LUZP2: variants seen among roughly 807,000 people sequenced by gnomAD.
LUZP2 encodes the protein leucine zipper protein 2.
LUZP2 carries 52 observed loss-of-function variants against 51.6 expected under a neutral mutation model. That is an observed-to-expected ratio of 1.01 (90% CI 0.81 to 1.27). LUZP2 has a LOEUF of 1.27. LUZP2 is among the 50% of genes most tolerant of loss of function. The probability of loss-of-function intolerance (pLI) is 0.00; values close to 1 mark genes in which losing one functional copy is unlikely to be tolerated. For synonymous variants in LUZP2, 154 were observed against 137.3 expected, an observed-to-expected ratio of 1.12 and a Z score of -0.85; for missense variants, 436 against 395.4, an observed-to-expected ratio of 1.10 and a Z score of -0.87.
chr11:24,848,439 CATT>C (rs1452827622), intron 5 of LUZP2, among the ~76,000 whole-genome samples: 4 of 152,190 alleles, frequency 2.6e-5, no homozygotes, highest in African/African-American at 9.6e-5. Flanking sequence ...GCTCTTGTCT[CATT>C]ATCTTCAGCT....
chr11:24,954,468 CT>C (rs1855161669), intron 7 of LUZP2, among the ~76,000 whole-genome samples: 1 of 152,022 alleles, frequency 6.6e-6, no homozygotes, highest in Admixed American at 6.6e-5. Context: ...TCTGGCACCC[CT>C]GGTCTGATGT....
chr11:24,981,553 G>A (rs1156808813), intron 8 of LUZP2, among the ~76,000 whole-genome samples: 1 of 151,746 alleles, frequency 6.6e-6, no homozygotes, highest in African/African-American at 2.4e-5. Flanking sequence ...CCTAACCTGG[G>A]AATGCAGCCC....
rs1850027896 is a variant in LUZP2, at chr11:24,502,534, C to A, written c.62+5229C>A. Reference sequence around the variant, plus strand: ...GAGTACCTGAGATTACAGGCGCCTGCCACCATGCCCGGCTGATTTTTTCGT... The same window carrying A: ...GAGTACCTGAGATTACAGGCGCCTGACACCATGCCCGGCTGATTTTTTCGT... On this transcript the variant is annotated intron_variant, in intron 1 of 11. Transcript: ENST00000336930. Among the ~76,000 whole-genome samples the A allele has an allele frequency of 4.0e-5, 6 of 151,018 alleles. No homozygotes were observed. In the South Asian group the frequency reaches 1.2e-3, roughly 31 times the overall value.
Position 24,741,957 on chromosome 11 carries a change from T to A in LUZP2, c.333+3655T>A, listed in dbSNP as rs58792905. Among the ~76,000 whole-genome samples, 678 of 105,412 alleles carry A rather than the reference T, an allele frequency of 6.4e-3. 14 individuals carry two copies. The highest frequency in any genetic ancestry group is 0.018 in the African/African-American group (597 of 32,526). The allele number at this position is 105,412 out of a possible 152,430, so 69.2% of individuals were successfully genotyped here. The stretch of plus-strand genomic sequence containing the variant: ...TATATAAATATATACATTTATATAT[T>A]ATATATAAATATATACATTTATATA... On this transcript the variant is annotated intron_variant, in intron 4 of 11. Coordinates refer to ENST00000336930, the MANE Select transcript of LUZP2 (RefSeq NM_001009909.4).
At chr11:24,799,616 CCAGG>C (rs1849640077) in intron 5 of LUZP2, among the ~76,000 whole-genome samples, 1 of 150,402 alleles carries the variant, frequency 6.6e-6, no homozygotes, top group African/African-American at 2.4e-5. Context: ...AAAATGCAAA[CCAGG>C]ACCAGCAAAA....
intron 1 of LUZP2, among the ~76,000 whole-genome samples, chr11:24,657,124 A>T (rs1040279125): frequency 6.6e-6 from 1 of 152,170 alleles, no homozygotes; most frequent in Admixed American, 6.5e-5. Context: ...AGAGAAAAAA[A>T]CAAGAATAAA....
chr11:24,721,588 C>T lies in LUZP2; in HGVS notation c.63-7581C>T, dbSNP rs144634153. 6.3e-3 allele frequency among the ~76,000 whole-genome samples: 956 copies of T among 152,072 alleles called. 16 individuals carry two copies. Among genetic ancestry groups the T allele is most frequent in the African/African-American group, 0.022 (927 of 41,498 alleles). On this transcript the variant is annotated intron_variant, in intron 1 of 11. Coordinates refer to ENST00000336930, the MANE Select transcript of LUZP2 (RefSeq NM_001009909.4). ...AAATTCAAAAGATTCTAAATGTAAG[C>T]GATGCACAAATGTAAGTTATTCACA...
rs1175788524 is a variant in LUZP2 at position 24,966,656 on chromosome 11, CAT to C, written c.523-9932_523-9931del. Among the ~76,000 whole-genome samples, 12 of 147,608 alleles carry C rather than the reference CAT, an allele frequency of 8.1e-5. No homozygotes were observed. The South Asian group carries it at 1.7e-3, about 21-fold the overall frequency. ...GATATATTATATATAAGATATATAA[CAT>C]ATTTTATACATTGTGAAATATATAT... On this transcript the variant is annotated intron_variant, in intron 7 of 11. Coordinates refer to ENST00000336930, the MANE Select transcript of LUZP2 (RefSeq NM_001009909.4).
At position 24,519,779 on chromosome 11, in the gene LUZP2, T is replaced by C. The variant is rs139956980; in HGVS notation, c.62+22474T>C. Among the ~76,000 whole-genome samples, 254 of 152,346 alleles carry C rather than the reference T, an allele frequency of 1.7e-3. 2 individuals are homozygous for C. The highest frequency in any genetic ancestry group is 5.7e-3 in the African/African-American group (237 of 41,572). ...CAATATAGTTGCATTCTAATGATAA[T>C]ATGCATCTTTTTTAAAAAAGGCTTT... On this transcript the variant is annotated intron_variant, in intron 1 of 11. Coordinates refer to ENST00000336930, the MANE Select transcript of LUZP2 (RefSeq NM_001009909.4).
At chr11:24,857,494 T>A (rs1368969341) in intron 5 of LUZP2, among the ~76,000 whole-genome samples, 1 of 151,704 alleles carries the variant, frequency 6.6e-6, no homozygotes, top group Non-Finnish European at 1.5e-5. Flanking sequence ...TATTTTAGTC[T>A]CTTTAACCCA....
chr11:24,659,261 G>A (rs1475665560), intron 1 of LUZP2, among the ~76,000 whole-genome samples: 1 of 152,182 alleles, frequency 6.6e-6, no homozygotes, highest in Admixed American at 6.6e-5. Context: ...ATGAGTTCAT[G>A]TCCTTTGTAG....
chr11:24,659,033 A>G (rs1316434650), intron 1 of LUZP2, among the ~76,000 whole-genome samples: 4 of 152,220 alleles, frequency 2.6e-5, no homozygotes, highest in Non-Finnish European at 5.9e-5. Context: ...GGGATCTAGA[A>G]CTAGAAATAC....
At chr11:24,699,764 T>C (rs1857368050) in intron 1 of LUZP2, among the ~76,000 whole-genome samples, 1 of 148,530 alleles carries the variant, frequency 6.7e-6, no homozygotes, top group East Asian at 1.9e-4. Flanking sequence ...TATATATATA[T>C]ATCTCATATA....
chr11:24,896,558 T>TGCCCCAGCCTCCTC (rs1275632155), intron 5 of LUZP2, among the ~76,000 whole-genome samples: 2 of 152,222 alleles, frequency 1.3e-5, no homozygotes, highest in Non-Finnish European at 2.9e-5. Context: ...CAGCCTCCCA[T>TGCCCCAGCCTCCTC]GCCCCAGCCT....
At chr11:25,042,589 G>C (rs1858102827) in intron 9 of LUZP2, among the ~76,000 whole-genome samples, 1 of 152,108 alleles carries the variant, frequency 6.6e-6, no homozygotes, top group African/African-American at 2.4e-5. Context: ...CAAACTTGCT[G>C]ACTTAAAACA....
chr11:24,521,937 A>G (rs1359659963), intron 1 of LUZP2, among the ~76,000 whole-genome samples: 1 of 152,154 alleles, frequency 6.6e-6, no homozygotes, highest in Non-Finnish European at 1.5e-5. Flanking sequence ...ACCGTCACCA[A>G]GTGAAATCCT....
chr11:24,938,644 A>G (rs1368315737), intron 7 of LUZP2, among the ~76,000 whole-genome samples: 1 of 151,946 alleles, frequency 6.6e-6, no homozygotes, highest in African/African-American at 2.4e-5. Flanking sequence ...TTCTTCATGT[A>G]TTAAATTTGT....
At chr11:24,850,595 G>A (rs190589653) in intron 5 of LUZP2, among the ~76,000 whole-genome samples, 15 of 152,164 alleles carry the variant, frequency 9.9e-5, no homozygotes, top group Admixed American at 9.2e-4. Context: ...GATTGTCTTG[G>A]TGATATGGGC....
At chr11:24,980,127 G>C (rs1855985154) in intron 8 of LUZP2, among the ~76,000 whole-genome samples, 1 of 151,662 alleles carries the variant, frequency 6.6e-6, no homozygotes, top group Non-Finnish European at 1.5e-5. Flanking sequence ...AGTCTCTCAT[G>C]GTCTTTCCAA....
Sources: gnomAD v4.1 joint callset for allele counts (sites outside exome capture counted in the v4.1 genomes callset) on GRCh38, gnomAD v4.1.1 for gene constraint, MANE v1.5 for transcripts, NCBI Gene and HGNC (gene_info 2026-07-23, HGNC 2026-07-21) for gene names.